ARHGAP24: variants seen among roughly 807,000 people sequenced by gnomAD.
The protein encoded by ARHGAP24 is Rho GTPase activating protein 24, also known as rho GTPase-activating protein 24.
ARHGAP24 carries 50 observed loss-of-function variants against 76.4 expected under a neutral mutation model. The observed-to-expected ratio is 0.65, with a 90% CI of 0.52 to 0.83. The LOEUF is 0.83. Among genes scored for constraint, ARHGAP24 ranks in the 40% least tolerant of loss-of-function variants. The pLI is 0.00. For synonymous variants in ARHGAP24, 345 were observed against 323.3 expected (o/e 1.07, Z -0.72); for missense variants, 930 against 914.2 (o/e 1.02, Z -0.22).
At chr4:85,683,970 A>G (rs1450954738) in intron 2 of ARHGAP24, among the ~76,000 whole-genome samples, 1 of 152,230 alleles carries the variant, frequency 6.6e-6, no homozygotes, top group Non-Finnish European at 1.5e-5. Flanking sequence ...GTATATATAT[A>G]TACTGCATTT....
At chr4:85,861,776 A>C (rs1731912782) in intron 3 of ARHGAP24, among the ~76,000 whole-genome samples, 1 of 152,092 alleles carries the variant, frequency 6.6e-6, no homozygotes, top group African/African-American at 2.4e-5. Flanking sequence ...CGATTACTGA[A>C]GTAATCTCCT....
intron 3 of ARHGAP24, among the ~76,000 whole-genome samples, chr4:85,915,595 A>G (rs1276354288): frequency 8.5e-6 from 1 of 117,878 alleles, no homozygotes; most frequent in Non-Finnish European, 1.7e-5. Flanking sequence ...AATAAGCCCC[A>G]GTGTGTGATA....
chr4:85,535,955 G>A (rs906561785), intron 1 of ARHGAP24, among the ~76,000 whole-genome samples: 1 of 152,108 alleles, frequency 6.6e-6, no homozygotes, highest in African/African-American at 2.4e-5. Context: ...CCTAGTTGTT[G>A]ATTGCCTGTG....
intron 2 of ARHGAP24, among the ~76,000 whole-genome samples, chr4:85,595,396 G>C (rs1017260395): frequency 7.9e-5 from 12 of 152,072 alleles, no homozygotes; most frequent in African/African-American, 2.7e-4. Context: ...GGTATTTATA[G>C]TTATCTGGTA....
At chr4:85,733,393 T>G (rs1725491959) in intron 3 of ARHGAP24, among the ~76,000 whole-genome samples, 1 of 152,142 alleles carries the variant, frequency 6.6e-6, no homozygotes, top group Non-Finnish European at 1.5e-5. Flanking sequence ...GGACAGTCCC[T>G]AAACTGTTAT....
At chr4:85,923,528 TG>T in intron 3 of ARHGAP24, 119 bp from the exon 4 acceptor site, 2 of 1,375,276 alleles carry the variant, frequency 1.5e-6, no homozygotes, top group Non-Finnish European at 2.0e-6. Flanking sequence ...ATTTCATCAT[TG>T]GGTAGAACTT....
chr4:85,653,636 C>T lies in ARHGAP24; in HGVS notation c.181-68249C>T, dbSNP rs536093486. On this transcript the variant is annotated intron_variant, in intron 2 of 9. Coordinates refer to ENST00000395184, the MANE Select transcript of ARHGAP24 (RefSeq NM_001025616.3). ...TTACAGGTGCCTGTCACTATCCCCA[C>T]CTAATTTTTGTATTTTGTTTTTGTT... 8.5e-5 allele frequency among the ~76,000 whole-genome samples: 13 copies of T among 152,062 alleles called. No homozygotes were observed. The South Asian group carries it at 2.7e-3, about 32-fold the overall frequency.
chr4:85,863,426 A>T (rs11724703), intron 3 of ARHGAP24, among the ~76,000 whole-genome samples: 17,508 of 151,922 alleles, frequency 0.12, 1,012 homozygotes, highest in Middle Eastern at 0.14. Flanking sequence ...TAATCTTTTT[A>T]AAAAAATCAT....
At chr4:85,523,041 G>A (rs1724849647) in intron 1 of ARHGAP24, among the ~76,000 whole-genome samples, 1 of 152,180 alleles carries the variant, frequency 6.6e-6, no homozygotes, top group African/African-American at 2.4e-5. Context: ...CACGCTCCCA[G>A]GTGGCTCTGC....
chr4:85,627,105 A>G (rs1157036042), intron 2 of ARHGAP24, among the ~76,000 whole-genome samples: 7 of 152,084 alleles, frequency 4.6e-5, no homozygotes, highest in African/African-American at 1.4e-4. Context: ...GCTTTGTTCT[A>G]TTGCTGGTGA....
chr4:85,606,829 T>C (rs1720212302), intron 2 of ARHGAP24, among the ~76,000 whole-genome samples: 1 of 152,174 alleles, frequency 6.6e-6, no homozygotes, highest in African/African-American at 2.4e-5. Flanking sequence ...TTAAGTGCTA[T>C]GGTGAAAACT....
chr4:85,889,820 C>G lies in ARHGAP24; in HGVS notation c.269-33828C>G, dbSNP rs551155723. 2.0e-5 allele frequency among the ~76,000 whole-genome samples: 3 copies of G among 152,254 alleles called. No homozygotes were observed. In the East Asian group the frequency reaches 5.8e-4, roughly 29 times the overall value. On this transcript the variant is annotated intron_variant, in intron 3 of 9. Coordinates refer to ENST00000395184, the MANE Select transcript of ARHGAP24 (RefSeq NM_001025616.3). ...CTGATAGTAGCAAGAGCAATCACAG[C>G]ACATTATTTCTTAATCCCCCCTAAA...
intron 5 of ARHGAP24, among the ~76,000 whole-genome samples, chr4:85,962,797 A>G (rs1447705801): frequency 6.6e-6 from 1 of 151,500 alleles, no homozygotes; most frequent in Non-Finnish European, 1.5e-5. Context: ...TAAGCAAACT[A>G]ACTACTTTGT....
intron 3 of ARHGAP24, among the ~76,000 whole-genome samples, chr4:85,805,001 C>T (rs891101096): frequency 3.9e-5 from 6 of 152,030 alleles, no homozygotes; most frequent in African/African-American, 1.4e-4. Context: ...TATTAGGTAC[C>T]ATCTTAGTTG....
chr4:85,619,294 T>C (rs1163523943), intron 2 of ARHGAP24, among the ~76,000 whole-genome samples: 1 of 152,032 alleles, frequency 6.6e-6, no homozygotes, highest in African/African-American at 2.4e-5. Context: ...CATTTATTTC[T>C]GGGCTCCCTA....
rs1312604369 is a variant in ARHGAP24 at position 85,894,724 on chromosome 4, C to G, written c.269-28924C>G. On this transcript the variant is annotated intron_variant, in intron 3 of 9. Coordinates refer to ENST00000395184, the MANE Select transcript of ARHGAP24 (RefSeq NM_001025616.3). Reference sequence around the variant, plus strand: ...CCTGCAATCCCAGCATTTTGGGAGACCGAGGTGGGTGGATCACTTTGAGCT... The same window carrying G: ...CCTGCAATCCCAGCATTTTGGGAGAGCGAGGTGGGTGGATCACTTTGAGCT... 3.3e-5 allele frequency among the ~76,000 whole-genome samples: 5 copies of G among 151,934 alleles called. No homozygotes were observed. In the South Asian group the frequency reaches 1.0e-3, roughly 32 times the overall value.
intron 2 of ARHGAP24, among the ~76,000 whole-genome samples, chr4:85,583,103 A>C (rs1247966533): frequency 6.6e-6 from 1 of 152,134 alleles, no homozygotes; most frequent in African/African-American, 2.4e-5. Flanking sequence ...TTTTCTAGTA[A>C]AATGCATTAG....
intron 3 of ARHGAP24, among the ~76,000 whole-genome samples, chr4:85,922,286 G>C (rs1456207889): frequency 6.6e-6 from 1 of 152,118 alleles, no homozygotes; most frequent in Non-Finnish European, 1.5e-5. Flanking sequence ...TCTCAACCTA[G>C]AGCATTCATA....
intron 1 of ARHGAP24, among the ~76,000 whole-genome samples, chr4:85,514,778 G>C (rs1316476436): frequency 8.0e-6 from 1 of 125,706 alleles, no homozygotes; most frequent in African/African-American, 3.1e-5. Flanking sequence ...TGGATCATGT[G>C]TTGCCTTAGC....
Sources: allele counts gnomAD v4.1 joint callset (sites outside exome capture counted in the v4.1 genomes callset), GRCh38; gene constraint gnomAD v4.1.1; transcripts MANE v1.5; gene names NCBI Gene and HGNC (gene_info 2026-07-23, HGNC 2026-07-21).